Variants in FAM81B observed in about 807,000 individuals in gnomAD.
FAM81B encodes the protein protein FAM81B.
In FAM81B, 60 loss-of-function variants were observed where a neutral mutation model predicts 58.7. The observed-to-expected ratio is 1.02, with a 90% CI of 0.83 to 1.27. The LOEUF (loss-of-function observed/expected upper bound fraction) is 1.27. Among genes scored for constraint, FAM81B ranks in the 50% most tolerant of loss-of-function variants. The pLI is 0.00. For synonymous variants in FAM81B, 189 were observed against 179.6 expected, an observed-to-expected ratio of 1.05 and a Z score of -0.42; for missense variants, 491 against 522.0, an observed-to-expected ratio of 0.94 and a Z score of 0.58.
In FAM81B at chr5:95,442,331, C is replaced by CAGAAATAAT. The variant is rs556993420; in HGVS notation, c.894-4229_894-4221dup. Among the ~76,000 whole-genome samples, 617 of 152,260 alleles carry CAGAAATAAT rather than the reference C, an allele frequency of 4.1e-3. 2 individuals carry two copies. Among genetic ancestry groups the CAGAAATAAT allele is most frequent in the Middle Eastern group, 0.01 (3 of 294 alleles). ...TTAAATGAGATGATGTATCAATAGG[C>CAGAAATAAT]AGAAATAATAAATACAGTAATCGTC... On this transcript the variant is annotated intron_variant, in intron 7 of 9. Transcript: ENST00000283357.
At position 95,448,253 on chromosome 5, in the gene FAM81B, A is replaced by C; in HGVS notation, c.1030-16A>C. The C allele has an allele frequency of 6.3e-7, 1 of 1,589,212 alleles. No individual in the cohort carries two copies. The highest frequency in any genetic ancestry group is 1.2e-5 in the South Asian group (1 of 85,224). On this transcript the variant is annotated splice_polypyrimidine_tract_variant and intron_variant, in intron 8 of 9. Transcript: ENST00000283357. Reference sequence around the variant, plus strand: ...ATGTACATTTCTGAAGTTTTATCCCATAATCTCTTTTACAGGAAAAGTCTG... The same window carrying C: ...ATGTACATTTCTGAAGTTTTATCCCCTAATCTCTTTTACAGGAAAAGTCTG...
At chr5:95,406,699 ACCAC>A (rs1042088514) in intron 3 of FAM81B, among the ~76,000 whole-genome samples, 19 of 152,148 alleles carry the variant, frequency 1.2e-4, no homozygotes, top group Non-Finnish European at 2.4e-4. Context: ...AATAGCCCCC[ACCAC>A]CCCAGGGGTT....
At chr5:95,431,285 C>T (rs1744877908) in intron 6 of FAM81B, among the ~76,000 whole-genome samples, 1 of 152,094 alleles carries the variant, frequency 6.6e-6, no homozygotes, top group Non-Finnish European at 1.5e-5. Context: ...CAGGCACTTT[C>T]ATGGCTTTGT....
intron 3 of FAM81B, among the ~76,000 whole-genome samples, chr5:95,401,389 C>T (rs1318041877): frequency 6.6e-6 from 1 of 152,144 alleles, no homozygotes; most frequent in Non-Finnish European, 1.5e-5. Flanking sequence ...AATTGCCTGC[C>T]TCACCCCCCA....
At chr5:95,401,321 C>T (rs1475977981) in intron 3 of FAM81B, among the ~76,000 whole-genome samples, 1 of 152,110 alleles carries the variant, frequency 6.6e-6, no homozygotes, top group Non-Finnish European at 1.5e-5. Context: ...ATGCTCTGTG[C>T]TGGCCCAGCC....
At chr5:95,402,541 C>T (rs184240685) in intron 3 of FAM81B, among the ~76,000 whole-genome samples, 204 of 152,236 alleles carry the variant, frequency 1.3e-3, no homozygotes, top group African/African-American at 3.7e-3. Flanking sequence ...AACTACAGTC[C>T]AGCATTTGCA....
chr5:95,448,149 G>C, intron 8 of FAM81B, 120 bp from the exon 9 acceptor site: 1 of 901,730 alleles, frequency 1.1e-6, no homozygotes, highest in Non-Finnish European at 1.7e-6. Context: ...TAGATACAAA[G>C]GAACTTGGTT....
At chr5:95,415,663 T>C (rs1762521375) in intron 4 of FAM81B, among the ~76,000 whole-genome samples, 1 of 152,166 alleles carries the variant, frequency 6.6e-6, no homozygotes. Flanking sequence ...AAGTACAGCA[T>C]AGTGCTAAAA....
intron 3 of FAM81B, among the ~76,000 whole-genome samples, chr5:95,399,380 C>T (rs764082869): frequency 6.6e-6 from 1 of 152,124 alleles, no homozygotes; most frequent in Admixed American, 6.5e-5. Context: ...GAAGACAAAA[C>T]TCTGTTGGTT....
At chr5:95,423,751 T>A (rs1414736250) in intron 5 of FAM81B, among the ~76,000 whole-genome samples, 2 of 152,092 alleles carry the variant, frequency 1.3e-5, no homozygotes, top group Non-Finnish European at 2.9e-5. Context: ...AACTCCATCT[T>A]TAATATAATA....
chr5:95,428,807 C>A, intron 6 of FAM81B, 75 bp downstream of exon 6: 3 of 1,585,772 alleles, frequency 1.9e-6, no homozygotes, highest in South Asian at 1.1e-5. Flanking sequence ...TCAAAATGCC[C>A]AATCAGGTGG....
At position 95,391,726 on chromosome 5, in the gene FAM81B, T is replaced by C. The variant is rs151136826; in HGVS notation, c.124+213T>C. 2.4e-3 allele frequency among the ~76,000 whole-genome samples: 358 copies of C among 151,954 alleles called. 2 individuals are homozygous for C. Among genetic ancestry groups the C allele is most frequent in the African/African-American group, 8.4e-3 (347 of 41,470 alleles). Reference sequence around the variant, plus strand: ...AACAGACACTTCTCAAAAGAAGACATTTATGCAGCCAAAACATACGAGAAA... The same window carrying C: ...AACAGACACTTCTCAAAAGAAGACACTTATGCAGCCAAAACATACGAGAAA... On this transcript the variant is annotated intron_variant, in intron 1 of 9. Transcript: ENST00000283357.
At chr5:95,400,168 C>T (rs1762068340) in intron 3 of FAM81B, among the ~76,000 whole-genome samples, 1 of 152,200 alleles carries the variant, frequency 6.6e-6, no homozygotes. Flanking sequence ...TGGCTTTAAA[C>T]AATAGAAATG....
In FAM81B at chr5:95,396,110, G is replaced by A. The variant is rs865967688; in HGVS notation, c.229-1G>A. ...TTCTGAATCTGTAACCTTTGTTTTA[G>A]GTAAGATTATCTCCAGCCAAAATGT... On this transcript the variant is annotated splice_acceptor_variant, in intron 2 of 9. Transcript: ENST00000283357. LOFTEE classifies it high-confidence loss of function. 1.2e-6 allele frequency: 2 copies of A among 1,606,118 alleles called. No homozygotes were observed. The highest frequency in any genetic ancestry group is 1.3e-5 in the African/African-American group (1 of 74,618).
At chr5:95,403,527 T>C (rs1199813610) in intron 3 of FAM81B, among the ~76,000 whole-genome samples, 3 of 152,198 alleles carry the variant, frequency 2.0e-5, no homozygotes, top group Non-Finnish European at 4.4e-5. Context: ...TAACCAAAAA[T>C]GGTTTAAATG....
At chr5:95,441,433 G>A (rs1745341773) in intron 7 of FAM81B, among the ~76,000 whole-genome samples, 1 of 152,030 alleles carries the variant, frequency 6.6e-6, no homozygotes, top group African/African-American at 2.4e-5. Context: ...GCCGGCCGTG[G>A]TGGCGGGCGC....
At chr5:95,402,706 C>T (rs1363917824) in intron 3 of FAM81B, among the ~76,000 whole-genome samples, 2 of 152,276 alleles carry the variant, frequency 1.3e-5, no homozygotes, top group East Asian at 1.9e-4. Context: ...GGTCTGCCCT[C>T]GCATTGCTCT....
intron 3 of FAM81B, among the ~76,000 whole-genome samples, chr5:95,398,565 A>C (rs369061323): frequency 2.0e-5 from 3 of 152,396 alleles, no homozygotes; most frequent in Admixed American, 1.3e-4. Context: ...GCCTGAGTTT[A>C]TATTACAGGT....
chr5:95,426,849 C>T (rs778207397), intron 5 of FAM81B, among the ~76,000 whole-genome samples: 2 of 152,154 alleles, frequency 1.3e-5, no homozygotes, highest in African/African-American at 4.8e-5. Context: ...GAGCTCGAGA[C>T]CATCCTGGCT....
Sources: allele counts gnomAD v4.1 joint callset (sites outside exome capture counted in the v4.1 genomes callset), GRCh38; gene constraint gnomAD v4.1.1; transcripts MANE v1.5; gene names NCBI Gene and HGNC (gene_info 2026-07-23, HGNC 2026-07-21).